TOP2B: variants seen among roughly 807,000 people sequenced by gnomAD.
TOP2B encodes DNA topoisomerase 2-beta.
TOP2B carries 51 observed loss-of-function variants against 193.5 expected under a neutral mutation model. The ratio of observed to expected loss-of-function variants is 0.26; its 90% confidence interval spans 0.21 to 0.33. The LOEUF is 0.33. Ranked by LOEUF, TOP2B falls within the 10% of genes least tolerant of loss-of-function variation. The pLI is 1.00. For synonymous variants in TOP2B, 634 were observed against 635.7 expected (o/e 1.00, Z 0.04); for missense variants, 1,378 against 1,909.3 (o/e 0.72, Z 5.19).
At chr3:25,634,071 T>C in intron 7 of TOP2B, 57 bp from the exon 8 acceptor site, 1 of 1,309,332 alleles carries the variant, frequency 7.6e-7, no homozygotes, top group Non-Finnish European at 1.1e-6. Flanking sequence ...CTCAAATAGG[T>C]GAATCACCTT....
Position 25,623,629 on chromosome 3 carries a change from T to C in TOP2B, c.2613A>G (p.Ile871Met), listed in dbSNP as rs2125369061. Residue 871 changes from isoleucine (I) to methionine (M), a missense_variant, in exon 21 of 36, where the codon ATA becomes ATG. This residue lies in a region of TOP2B where 379 missense variants were observed against 615.1 expected (regional missense o/e 0.62). Coordinates refer to ENST00000264331, the MANE Select transcript of TOP2B (RefSeq NM_001330700.2). The stretch of plus-strand genomic sequence containing the variant: ...CAGTACCAATGCCCTCAGCACCATT[T>C]ATTAAAACCATGGGAATTATAGGAA... Reference protein sequence around the residue: ...WYIPIIPMVLINGAEGIGTGW... With the variant: ...WYIPIIPMVLMNGAEGIGTGW... 6.2e-7 allele frequency: 1 copy of C among 1,613,930 alleles called. No individual in the cohort carries two copies. Among genetic ancestry groups the C allele is most frequent in the Middle Eastern group, 1.7e-4 (1 of 6,060 alleles).
chr3:25,648,124 A>T (rs757716153), intron 1 of TOP2B, among the ~76,000 whole-genome samples: 2 of 152,382 alleles, frequency 1.3e-5, no homozygotes, highest in East Asian at 3.9e-4. Context: ...GCTACCCTAG[A>T]AACTTCTTGA....
intron 15 of TOP2B, among the ~76,000 whole-genome samples, chr3:25,627,776 C>A (rs1373033410): frequency 2.0e-5 from 3 of 151,884 alleles, no homozygotes; most frequent in African/African-American, 2.4e-5. Flanking sequence ...TGGAAAAAAA[C>A]AAACAAACTC....
At chr3:25,654,108 G>A (rs1361955730) in intron 1 of TOP2B, among the ~76,000 whole-genome samples, 7 of 152,080 alleles carry the variant, frequency 4.6e-5, no homozygotes, top group Admixed American at 3.3e-4. Flanking sequence ...CCTAGTCAGA[G>A]CAATTAAGAC....
intron 3 of TOP2B, among the ~76,000 whole-genome samples, chr3:25,643,450 A>T (rs1187621256): frequency 6.6e-6 from 1 of 152,218 alleles, no homozygotes; most frequent in East Asian, 1.9e-4. Context: ...AGTACAGACC[A>T]ACTATGGGAT....
intron 34 of TOP2B, among the ~76,000 whole-genome samples, chr3:25,599,976 CATT>C (rs879912279): frequency 2.0e-5 from 3 of 152,086 alleles, no homozygotes; most frequent in Non-Finnish European, 4.4e-5. Context: ...TTTAGTAACA[CATT>C]ATTATAAAGG....
chr3:25,640,724 G>T (rs192660045), intron 4 of TOP2B, among the ~76,000 whole-genome samples: 4 of 147,322 alleles, frequency 2.7e-5, no homozygotes, highest in Non-Finnish European at 6.0e-5. Context: ...AGTCTACAGA[G>T]TTGTCTTATA....
chr3:25,607,072 C>T, intron 31 of TOP2B, 99 bp downstream of exon 31: 1 of 1,457,966 alleles, frequency 6.9e-7, no homozygotes, highest in Non-Finnish European at 9.2e-7. Context: ...GAAGAACTTG[C>T]CTAGAATGAT....
At chr3:25,635,669 T>C (rs1430330630) in intron 7 of TOP2B, among the ~76,000 whole-genome samples, 1 of 151,858 alleles carries the variant, frequency 6.6e-6, no homozygotes, top group Non-Finnish European at 1.5e-5. Flanking sequence ...AAAGTGGAAG[T>C]AGAGTGAATA....
Position 25,645,436 on chromosome 3 carries a change from T to C in TOP2B, c.104A>G (p.Glu35Gly), listed in dbSNP as rs769705803. 1 of 1,613,558 alleles carries C rather than the reference T, an allele frequency of 6.2e-7. No homozygotes were observed. Among genetic ancestry groups the C allele is most frequent in the Non-Finnish European group, 8.5e-7 (1 of 1,179,748 alleles). Residue 35 changes from glutamate to glycine, a missense_variant, in exon 2 of 36, where the codon GAA (glutamate) becomes GGA (glycine). Transcript: ENST00000264331. ...ATTTTTGTTGGCAGTTTCTGACTCT[T>C]CTTTTTTTGCAGCATTGTTCTGATC... Reference protein sequence around the residue: ...LFDQNNAAKKEESETANKNDS... With the variant: ...LFDQNNAAKKGESETANKNDS...
At chr3:25,634,733 G>A (rs1240800006) in intron 7 of TOP2B, among the ~76,000 whole-genome samples, 1 of 112,244 alleles carries the variant, frequency 8.9e-6, no homozygotes, top group Non-Finnish European at 1.7e-5. Flanking sequence ...CTGGGAGACA[G>A]AAACAGTAGT....
Position 25,664,728 on chromosome 3 carries a change from G to T in TOP2B, c.-431C>A. 3 of 987,364 alleles carry T rather than the reference G, an allele frequency of 3.0e-6. No homozygotes were observed. Among genetic ancestry groups the T allele is most frequent in the Non-Finnish European group, 3.6e-6 (3 of 830,240 alleles). The allele number at this position is 987,364 out of a possible 1,614,324, so 61.2% of individuals were successfully genotyped here. On this transcript the variant is annotated 5_prime_UTR_variant, in exon 1 of 36. Transcript: ENST00000264331. ...CCTTGTCCTTCTCACACTCCGCGAAGGCCAGCCACTCGAGTCGCCAGAGTA... is the reference window on the plus strand; with the variant it reads ...CCTTGTCCTTCTCACACTCCGCGAATGCCAGCCACTCGAGTCGCCAGAGTA...
intron 28 of TOP2B, among the ~76,000 whole-genome samples, chr3:25,610,108 G>A (rs1702330586): frequency 6.6e-6 from 1 of 152,122 alleles, no homozygotes; most frequent in South Asian, 2.1e-4. Flanking sequence ...GGCTGAGGCA[G>A]GAGAATTGCT....
chr3:25,624,068 T>C lies in TOP2B; in HGVS notation c.2495+229A>G, dbSNP rs80253252. On this transcript the variant is annotated intron_variant, in intron 20 of 35. Coordinates refer to ENST00000264331, the MANE Select transcript of TOP2B (RefSeq NM_001330700.2). ...CCCATCTTCAGCCTAAAGAGTAAAG[T>C]TGGTGAGAAAAACATCCTTAATTCA... Among the ~76,000 whole-genome samples the C allele has an allele frequency of 2.4e-3, 369 of 152,248 alleles. 4 individuals carry two copies. The highest frequency in any genetic ancestry group is 8.5e-3 in the African/African-American group (352 of 41,542).
In TOP2B at chr3:25,609,458, G is replaced by C. The variant is rs75316421; in HGVS notation, c.3931+110C>G. ...TACAAAATAAACGTTTATGAAAATT[G>C]AAGGCATTATTTCAACTACCAGAAA... On this transcript the variant is annotated intron_variant, in intron 29 of 35. Coordinates refer to ENST00000264331, the MANE Select transcript of TOP2B (RefSeq NM_001330700.2). The C allele has an allele frequency of 2.7e-5, 40 of 1,464,180 alleles. No individual in the cohort carries two copies. The East Asian group carries it at 5.2e-4, about 19-fold the overall frequency. The allele number at this position is 1,464,180 out of a possible 1,614,324, so 90.7% of individuals were successfully genotyped here.
intron 4 of TOP2B, among the ~76,000 whole-genome samples, chr3:25,641,819 G>A (rs185736070): frequency 4.5e-4 from 68 of 152,146 alleles, no homozygotes; most frequent in African/African-American, 1.5e-3. Flanking sequence ...TAACAGCTAT[G>A]TTTCTGATTT....
rs1016461628 is a variant in TOP2B, at chr3:25,598,046, G to A, written c.*261C>T. The A allele has an allele frequency of 7.7e-6, 2 of 260,208 alleles. No individual in the cohort carries two copies. Among genetic ancestry groups the A allele is most frequent in the Non-Finnish European group, 7.2e-6 (1 of 138,772 alleles). 16.1% of individuals were successfully genotyped at this position (260,208 alleles called of 1,614,324 possible). A position where few individuals can be genotyped will look rare whatever the true frequency, so the allele number is the denominator to read the frequency against. The stretch of plus-strand genomic sequence containing the variant: ...AAGCAGGTCTGTAGTTTGTAACCAT[G>A]ACAATTAAAATCTGTGCTAATGCAC... On this transcript the variant is annotated 3_prime_UTR_variant, in exon 36 of 36. Coordinates refer to ENST00000264331, the MANE Select transcript of TOP2B (RefSeq NM_001330700.2).
In TOP2B at chr3:25,624,370, T is replaced by G; in HGVS notation, c.2422A>C (p.Ile808Leu). The G allele has an allele frequency of 6.2e-7, 1 of 1,613,920 alleles. No individual in the cohort carries two copies. The highest frequency in any genetic ancestry group is 8.5e-7 in the Non-Finnish European group (1 of 1,179,846). The part of the protein sequence containing the change: ...GSNNINLLQP[I>L]GQFGTRLHGG... ...TGAAGCCGAGTTCCAAACTGACCAATAGGCTGAAGCAAGTTAATGTTGTTA... is the reference window on the plus strand; with the variant it reads ...TGAAGCCGAGTTCCAAACTGACCAAGAGGCTGAAGCAAGTTAATGTTGTTA... Residue 808 changes from isoleucine to leucine, a missense_variant, in exon 20 of 36, where the codon ATT becomes CTT. This residue lies in a region of TOP2B where 379 missense variants were observed against 615.1 expected (regional missense o/e 0.62). Transcript: ENST00000264331.
At position 25,618,404 on chromosome 3, in the gene TOP2B, C is replaced by A; in HGVS notation, c.3351+14G>T. On this transcript the variant is annotated intron_variant, in intron 25 of 35. Coordinates refer to ENST00000264331, the MANE Select transcript of TOP2B (RefSeq NM_001330700.2). ...TAAAAGCTTCTCTGAATGTCTTTTTCTGCAAATGATTACCTTTTCTTGTGC... is the reference window on the plus strand; with the variant it reads ...TAAAAGCTTCTCTGAATGTCTTTTTATGCAAATGATTACCTTTTCTTGTGC... The A allele has an allele frequency of 6.3e-7, 1 of 1,595,258 alleles. No homozygotes were observed. The highest frequency in any genetic ancestry group is 8.6e-7 in the Non-Finnish European group (1 of 1,165,050).
Sources: allele counts gnomAD v4.1 joint callset (sites outside exome capture counted in the v4.1 genomes callset), GRCh38; gene constraint gnomAD v4.1.1; regional missense constraint gnomAD v4.1.1; transcripts MANE v1.5; gene names NCBI Gene and HGNC (gene_info 2026-07-23, HGNC 2026-07-21).